Variants in GYPB observed in about 807,000 individuals in gnomAD.
GYPB encodes the protein glycophorin-B.
GYPB carries 13 observed loss-of-function variants against 15.3 expected under a neutral mutation model. The ratio of observed to expected loss-of-function variants is 0.85; its 90% CI spans 0.55 to 1.35. GYPB has a LOEUF of 1.35. GYPB is among the 40% of genes most tolerant of loss of function. The probability of loss-of-function intolerance (pLI) is 0.00; values close to 1 mark genes in which losing one functional copy is unlikely to be tolerated. For missense variants in GYPB, 131 were observed against 108.3 expected, an observed-to-expected ratio of 1.21 and a Z score of -0.93; for synonymous variants, 38 against 36.9, an observed-to-expected ratio of 1.03 and a Z score of -0.11.
At chr4:144,012,092 G>A (rs1350887885) in intron 1 of GYPB, among the ~76,000 whole-genome samples, 2 of 151,872 alleles carry the variant, frequency 1.3e-5, no homozygotes. Context: ...GGAGCAAAAG[G>A]CTAACATAAC....
chr4:144,013,195 A>T (rs1336518489), intron 1 of GYPB, among the ~76,000 whole-genome samples: 1 of 151,320 alleles, frequency 6.6e-6, no homozygotes, highest in Non-Finnish European at 1.5e-5. Context: ...CCATCAGAGA[A>T]ATGCAAATCA....
At chr4:144,013,571 A>G (rs1377071652) in intron 1 of GYPB, among the ~76,000 whole-genome samples, 1 of 151,342 alleles carries the variant, frequency 6.6e-6, no homozygotes, top group African/African-American at 2.5e-5. Flanking sequence ...CATTTACACC[A>G]TGGAATACTA....
At chr4:144,013,695 C>A (rs1728337801) in intron 1 of GYPB, among the ~76,000 whole-genome samples, 1 of 148,076 alleles carries the variant, frequency 6.8e-6, no homozygotes, top group African/African-American at 2.6e-5. Context: ...CGCATATTCT[C>A]ACTCATAGGT....
intron 1 of GYPB, among the ~76,000 whole-genome samples, chr4:144,008,719 A>T (rs1728058268): frequency 6.6e-6 from 1 of 151,502 alleles, no homozygotes; most frequent in Non-Finnish European, 1.5e-5. Flanking sequence ...TGAAAAGAAA[A>T]ACTTTATCCC....
At position 143,999,507 on chromosome 4, in the gene GYPB, A is replaced by C. The variant is rs1727508533; in HGVS notation, c.137-58T>G. The C allele has an allele frequency of 2.3e-5, 21 of 914,642 alleles. No individual in the cohort carries two copies. The East Asian group carries it at 5.1e-4, about 22-fold the overall frequency. The allele number at this position is 914,642 out of a possible 1,614,324, so 56.7% of individuals were successfully genotyped here. A position where few individuals can be genotyped will look rare whatever the true frequency, so the allele number is the denominator to read the frequency against. On this transcript the variant is annotated intron_variant, in intron 2 of 4. Transcript: ENST00000502664. ...AAGAAAGACATGTGCAAAGAAAAAA[A>C]TCATTTTGGAATCAAACTGTTCTGC...
chr4:144,012,972 A>T (rs1728295041), intron 1 of GYPB, among the ~76,000 whole-genome samples: 2 of 151,658 alleles, frequency 1.3e-5, no homozygotes, highest in South Asian at 2.1e-4. Flanking sequence ...AATGAAAAAC[A>T]TTTGTGCATC....
In GYPB at chr4:143,996,439, A is replaced by G. The variant is rs1249921418; in HGVS notation, c.271-135T>C. On this transcript the variant is annotated intron_variant, in intron 4 of 4. Transcript: ENST00000502664. The stretch of plus-strand genomic sequence containing the variant: ...AATTGGAGGCTTCTAAAGGGTACCT[A>G]GGGGTGTTGCCAAGTTCTTTTGGTT... 6.1e-6 allele frequency: 9 copies of G among 1,483,620 alleles called. 1 individual carries two copies. The highest frequency in any genetic ancestry group is 2.9e-5 in the African/African-American group (2 of 68,586). The allele number at this position is 1,483,620 out of a possible 1,614,324, so 91.9% of individuals were successfully genotyped here. A position where few individuals can be genotyped will look rare whatever the true frequency, so the allele number is the denominator to read the frequency against.
At chr4:144,013,407 T>C (rs1482938564) in intron 1 of GYPB, among the ~76,000 whole-genome samples, 1 of 151,252 alleles carries the variant, frequency 6.6e-6, no homozygotes, top group East Asian at 1.9e-4. Context: ...GACCCAGCCA[T>C]CCAATTACTG....
chr4:144,013,459 C>T (rs974445604), intron 1 of GYPB, among the ~76,000 whole-genome samples: 7 of 151,326 alleles, frequency 4.6e-5, no homozygotes, highest in African/African-American at 1.7e-4. Flanking sequence ...GCTATAAAAA[C>T]ACATGCACAC....
chr4:144,014,036 G>A (rs1410964259), intron 1 of GYPB, among the ~76,000 whole-genome samples: 3 of 151,500 alleles, frequency 2.0e-5, no homozygotes, highest in Non-Finnish European at 4.4e-5. Flanking sequence ...GAAAATGCAA[G>A]AAACCACAGT....
intron 4 of GYPB, among the ~76,000 whole-genome samples, chr4:143,996,789 A>AT (rs11383739): frequency 1.3e-5 from 2 of 150,238 alleles, no homozygotes; most frequent in Non-Finnish European, 2.9e-5. Flanking sequence ...AATTTAAAAA[A>AT]CTTTAATGAT....
intron 2 of GYPB, among the ~76,000 whole-genome samples, chr4:143,999,858 G>A (rs1416836598): frequency 6.6e-6 from 1 of 151,396 alleles, no homozygotes; most frequent in Non-Finnish European, 1.5e-5. Context: ...AGGGTCATGC[G>A]GCTATCAATT....
At chr4:144,011,134 A>G (rs1728198765) in intron 1 of GYPB, among the ~76,000 whole-genome samples, 1 of 148,186 alleles carries the variant, frequency 6.7e-6, no homozygotes, top group African/African-American at 2.6e-5. Context: ...TAATCCCAAC[A>G]TTTTGGGAGG....
chr4:143,997,775 T>G (rs562370960), intron 3 of GYPB, 141 bp from the exon 4 acceptor site: 2 of 609,246 alleles, frequency 3.3e-6, no homozygotes, highest in South Asian at 3.5e-5. Flanking sequence ...GTATTTTGTC[T>G]TTTTTTAAAT....
intron 1 of GYPB, among the ~76,000 whole-genome samples, chr4:144,007,573 C>T (rs578079775): frequency 2.5e-4 from 38 of 151,032 alleles, no homozygotes; most frequent in Non-Finnish European, 3.1e-4. Flanking sequence ...AGAAAAAAAT[C>T]GGTCAGTCTG....
In GYPB at chr4:143,997,561, G is replaced by A. The variant is rs562997690; in HGVS notation, c.249C>T (p.Tyr83=). ...GIIGTILLIS[Y]SIRRLIKA is the part of the protein sequence containing the mutation. ...TCACCTTTATCAGTCGGCGAATACT[G>A]TAAGAAATTAAGAGGATCGTTCCAA... The change falls in exon 4 of 5, where the codon TAC becomes TAT. Residue 83 remains tyrosine, a synonymous_variant. Coordinates refer to ENST00000502664, the MANE Select transcript of GYPB (RefSeq NM_002100.6). 1.4e-5 allele frequency: 23 copies of A among 1,590,902 alleles called. No homozygotes were observed. The South Asian group carries it at 2.3e-4, about 16-fold the overall frequency.
rs1579042153 is a variant in GYPB at position 143,996,198 on chromosome 4, G to T, written c.*101C>A. 6.5e-7 allele frequency: 1 copy of T among 1,546,776 alleles called. No homozygotes were observed. Among genetic ancestry groups the T allele is most frequent in the South Asian group, 1.2e-5 (1 of 83,810 alleles). On this transcript the variant is annotated 3_prime_UTR_variant, in exon 5 of 5. Coordinates refer to ENST00000502664, the MANE Select transcript of GYPB (RefSeq NM_002100.6). The stretch of plus-strand genomic sequence containing the variant: ...GGAATTAGGATAGCCAGGGGTAGGG[G>T]CATAAGCAAAGGAATAGCAGGTGCA...
At chr4:144,004,769 C>G (rs1362924044) in intron 1 of GYPB, among the ~76,000 whole-genome samples, 1 of 151,858 alleles carries the variant, frequency 6.6e-6, no homozygotes, top group African/African-American at 2.4e-5. Flanking sequence ...CACACAACTA[C>G]TTGGCTCTCC....
intron 1 of GYPB, among the ~76,000 whole-genome samples, chr4:144,006,454 C>G (rs1410728188): frequency 6.6e-6 from 1 of 151,970 alleles, no homozygotes; most frequent in African/African-American, 2.4e-5. Context: ...TAGCTCTCTG[C>G]TATATGCTTT....
Sources: gnomAD v4.1 joint callset for allele counts (sites outside exome capture counted in the v4.1 genomes callset) on GRCh38, gnomAD v4.1.1 for gene constraint, MANE v1.5 for transcripts, NCBI Gene and HGNC (gene_info 2026-07-23, HGNC 2026-07-21) for gene names.